DGKZ: variants seen among roughly 807,000 people sequenced by gnomAD.
DGKZ encodes the protein DAG kinase zeta.
In DGKZ, 45 loss-of-function variants were observed where a neutral mutation model predicts 142.5. That is an observed-to-expected ratio of 0.32 (90% CI 0.25 to 0.40). The LOEUF (loss-of-function observed/expected upper bound fraction) is 0.40. Among genes scored for constraint, DGKZ ranks in the 10% least tolerant of loss-of-function variants. The pLI is 1.00. For missense variants in DGKZ, 755 were observed against 1,306.5 expected, an observed-to-expected ratio of 0.58 and a Z score of 6.51; for synonymous variants, 442 against 527.0, an observed-to-expected ratio of 0.84 and a Z score of 2.21.
At chr11:46,334,385 C>A (rs894428932) in intron 1 of DGKZ, among the ~76,000 whole-genome samples, 3 of 152,228 alleles carry the variant, frequency 2.0e-5, no homozygotes, top group Non-Finnish European at 4.4e-5. Context: ...GTCCTTACAG[C>A]CATCGGCCTG....
intron 25 of DGKZ, chr11:46,377,464 A>C: frequency 3.3e-6 from 2 of 600,122 alleles, no homozygotes; most frequent in East Asian, 3.4e-5. Flanking sequence ...CAGCCCCCGG[A>C]CCCACCACCT....
Position 46,372,641 on chromosome 11 carries a change from CA to C in DGKZ, c.1037del (p.Asn346ThrfsTer25), listed in dbSNP as rs1269672612. The C allele has an allele frequency of 6.2e-7, 1 of 1,613,584 alleles. No individual in the cohort carries two copies. Among genetic ancestry groups the C allele is most frequent in the Non-Finnish European group, 8.5e-7 (1 of 1,180,012 alleles). On this transcript the variant is annotated frameshift_variant, in exon 12 of 31. Coordinates refer to ENST00000527911, the Ensembl canonical transcript of DGKZ. LOFTEE classifies it high-confidence loss of function. The surrounding 1 kb of genome is among the most constrained non-coding windows in gnomAD (Gnocchi z 5.9). Reference sequence around the variant, plus strand: ...GGCTGGAGATGTACCGCAAAGTGCACAACCTGCGGATCCTGGCGTGCGGGGG... The same window carrying C: ...GGCTGGAGATGTACCGCAAAGTGCACACCTGCGGATCCTGGCGTGCGGGGG...
At chr11:46,365,936 T>A in intron 1 of DGKZ, 1 of 985,208 alleles carries the variant, frequency 1.0e-6, no homozygotes, top group South Asian at 4.7e-5. Context: ...GAAGAAGGGG[T>A]AGCCTGAAGC....
Position 46,372,375 on chromosome 11 carries a change from C to T in DGKZ, c.928-53C>T, listed in dbSNP as rs1490604773. 1.9e-6 allele frequency: 3 copies of T among 1,589,444 alleles called. No homozygotes were observed. The highest frequency in any genetic ancestry group is 2.6e-6 in the Non-Finnish European group (3 of 1,158,156). ...GTCACACCCCTCTCCCTCTGCTGCT[C>T]CCACTTCGTCCCACCACTGCCTGAC... is the stretch of plus-strand genomic sequence containing the variant. On this transcript the variant is annotated intron_variant, in intron 10 of 30. Transcript: ENST00000527911. This position sits in a 1 kb window ranked among gnomAD's most constrained non-coding sequence, Gnocchi z 5.9.
At chr11:46,370,159 C>G (rs1943787438) in intron 6 of DGKZ, 150 bp downstream of exon 6, 1 of 930,094 alleles carries the variant, frequency 1.1e-6, no homozygotes. Context: ...CTTCAGTTCT[C>G]AAGCACCCTG....
chr11:46,376,910 G>A, intron 24 of DGKZ, 163 bp from the exon 25 acceptor site: 1 of 676,464 alleles, frequency 1.5e-6, no homozygotes, highest in Non-Finnish European at 2.6e-6. Context: ...GGAGGTGTCA[G>A]GAATGGGAAG....
chr11:46,340,071 T>C (rs1212413192), intron 1 of DGKZ, among the ~76,000 whole-genome samples: 1 of 152,220 alleles, frequency 6.6e-6, no homozygotes, highest in African/African-American at 2.4e-5. Flanking sequence ...GAGCTAAGGT[T>C]GGCAGAAGTT....
intron 1 of DGKZ, among the ~76,000 whole-genome samples, chr11:46,352,952 C>G (rs1270119386): frequency 6.6e-6 from 1 of 152,250 alleles, no homozygotes; most frequent in Non-Finnish European, 1.5e-5. Flanking sequence ...ATTCTGCCAT[C>G]TTTCCTCTTC....
At chr11:46,334,884 C>A (rs1050002747) in intron 1 of DGKZ, among the ~76,000 whole-genome samples, 1 of 152,114 alleles carries the variant, frequency 6.6e-6, no homozygotes, top group Non-Finnish European at 1.5e-5. Context: ...AGTCAGAAGA[C>A]CTGGTTTCTA....
rs764529340 is a variant in DGKZ, at chr11:46,366,366, C to T, written c.162-925C>T. ...CCCACAGGCAAGGCCCGGCGTCGCTCCCCCGCTGGGCAGGCCTCCTCCTCA... is the reference window on the plus strand; with the variant it reads ...CCCACAGGCAAGGCCCGGCGTCGCTTCCCCGCTGGGCAGGCCTCCTCCTCA... On this transcript the variant is annotated intron_variant, in intron 1 of 30. Coordinates refer to ENST00000527911, the Ensembl canonical transcript of DGKZ. The T allele has an allele frequency of 5.9e-6, 9 of 1,522,200 alleles. No homozygotes were observed. In the South Asian group the frequency reaches 8.7e-5, roughly 15 times the overall value. The allele number at this position is 1,522,200 out of a possible 1,614,324, so 94.3% of individuals were successfully genotyped here. A position where few individuals can be genotyped will look rare whatever the true frequency, so the allele number is the denominator to read the frequency against.
chr11:46,342,400 G>T (rs1368992091), intron 1 of DGKZ, among the ~76,000 whole-genome samples: 1 of 152,222 alleles, frequency 6.6e-6, no homozygotes, highest in Non-Finnish European at 1.5e-5. Context: ...CCCTCCAGGA[G>T]CCCCATTTCC....
At chr11:46,361,613 G>A in intron 1 of DGKZ, 1 of 985,602 alleles carries the variant, frequency 1.0e-6, no homozygotes, top group Non-Finnish European at 1.2e-6. Flanking sequence ...CTCCAAACTA[G>A]GACTTGCTCA....
At chr11:46,342,836 A>G (rs145318637), upstream of DGKZ, among the ~76,000 whole-genome samples, 920 of 152,266 alleles carry the variant, frequency 6.0e-3, 8 homozygotes, top group Non-Finnish European at 9.8e-3. Context: ...AAAAGGAGGA[A>G]AATAAGGCCA....
At position 46,371,622 on chromosome 11, in the gene DGKZ, C is replaced by A; in HGVS notation, c.759+19C>A. On this transcript the variant is annotated intron_variant, in intron 8 of 30. Transcript: ENST00000527911. Reference sequence around the variant, plus strand: ...GCCCCAGGTGAGTACTGCCTGCACCCTTGATGCCCCGTACGCACTTGGGGT... The same window carrying A: ...GCCCCAGGTGAGTACTGCCTGCACCATTGATGCCCCGTACGCACTTGGGGT... The A allele has an allele frequency of 6.2e-7, 1 of 1,613,274 alleles. No individual in the cohort carries two copies. The highest frequency in any genetic ancestry group is 8.5e-7 in the Non-Finnish European group (1 of 1,179,706).
Position 46,367,463 on chromosome 11 carries a change from G to A in DGKZ, c.270+64G>A. The A allele has an allele frequency of 6.5e-7, 1 of 1,548,578 alleles. No individual in the cohort carries two copies. Among genetic ancestry groups the A allele is most frequent in the African/African-American group, 1.4e-5 (1 of 73,490 alleles). ...GCTCTTGGCCAAGGCGCAGCTGGCG[G>A]GTGGAGGCACTAAAGGCAGCTGGGA... On this transcript the variant is annotated intron_variant, in intron 2 of 30. Coordinates refer to ENST00000527911, the Ensembl canonical transcript of DGKZ. This position sits in a 1 kb window ranked among gnomAD's most constrained non-coding sequence, Gnocchi z 4.1.
At chr11:46,363,656 C>T (rs992415162) in intron 1 of DGKZ, among the ~76,000 whole-genome samples, 2 of 152,212 alleles carry the variant, frequency 1.3e-5, no homozygotes, top group Non-Finnish European at 2.9e-5. Flanking sequence ...ACGGGTGCAG[C>T]GGCACCTCCC....
At chr11:46,364,622 C>A in intron 1 of DGKZ, 1 of 985,434 alleles carries the variant, frequency 1.0e-6, no homozygotes, top group Non-Finnish European at 1.2e-6. Context: ...GTCCATCTCT[C>A]CCCCAACACC....
chr11:46,367,616 G>T lies in DGKZ; in HGVS notation c.271-36G>T. 6.4e-7 allele frequency: 1 copy of T among 1,560,680 alleles called. No homozygotes were observed. The highest frequency in any genetic ancestry group is 8.7e-7 in the Non-Finnish European group (1 of 1,149,264). The stretch of plus-strand genomic sequence containing the variant: ...GGCTGATGGGAGGGAGGGCTGGGCG[G>T]CCAGCGTGTGCTGAGCAAGCCCATC... On this transcript the variant is annotated intron_variant, in intron 2 of 30. Transcript: ENST00000527911. The surrounding 1 kb of genome is among the most constrained non-coding windows in gnomAD (Gnocchi z 4.1).
upstream of DGKZ, chr11:46,345,632 T>C: frequency 6.9e-7 from 1 of 1,455,506 alleles, no homozygotes; most frequent in Non-Finnish European, 9.1e-7. This position sits in a 1 kb window ranked among gnomAD's most constrained non-coding sequence, Gnocchi z 4.1. Context: ...CCTCTGTCCC[T>C]CTATGAGCCT....
Sources: allele counts gnomAD v4.1 joint callset (sites outside exome capture counted in the v4.1 genomes callset), GRCh38; gene constraint gnomAD v4.1.1; non-coding constraint Gnocchi (gnomAD v3.1); transcripts MANE v1.5; gene names NCBI Gene and HGNC (gene_info 2026-07-23, HGNC 2026-07-21).